ERBB4: variants seen among roughly 807,000 people sequenced by gnomAD.
The protein encoded by ERBB4 is receptor tyrosine-protein kinase erbB-4.
A neutral mutation model predicts 158.0 loss-of-function variants in ERBB4; 42 were observed. The observed-to-expected ratio is 0.27, with a 90% CI of 0.21 to 0.34. ERBB4 has a LOEUF of 0.34. Ranked by LOEUF, ERBB4 falls within the 10% of genes least tolerant of loss-of-function variation. ERBB4 has a pLI of 1.00. For synonymous variants in ERBB4, 583 were observed against 558.7 expected (o/e 1.04, Z -0.61); for missense variants, 1,333 against 1,624.1 (o/e 0.82, Z 3.08).
Position 212,129,138 on chromosome 2 carries a change from C to T in ERBB4, c.83-4235G>A, listed in dbSNP as rs563501937. On this transcript the variant is annotated intron_variant, in intron 1 of 27. Transcript: ENST00000342788. Reference sequence around the variant, plus strand: ...TAAGCATCCATTAATAAATTTGCTGCACCATTTCTAAAGTATATCCAATAA... The same window carrying T: ...TAAGCATCCATTAATAAATTTGCTGTACCATTTCTAAAGTATATCCAATAA... Among the ~76,000 whole-genome samples, 51 of 151,924 alleles carry T rather than the reference C, an allele frequency of 3.4e-4. No individual in the cohort carries two copies. The South Asian group carries it at 9.8e-3, about 29-fold the overall frequency.
At chr2:211,748,519 G>C (rs2075038166) in intron 5 of ERBB4, among the ~76,000 whole-genome samples, 1 of 152,066 alleles carries the variant, frequency 6.6e-6, no homozygotes, top group Non-Finnish European at 1.5e-5. Context: ...CAACAGAAGA[G>C]GGATCCACCC....
At chr2:212,246,347 T>C (rs576076977) in intron 1 of ERBB4, among the ~76,000 whole-genome samples, 5 of 152,330 alleles carry the variant, frequency 3.3e-5, no homozygotes, top group African/African-American at 9.6e-5. Context: ...TAAATGTGCA[T>C]GAGGTAAAAT....
chr2:211,749,777 T>C (rs554038238), intron 5 of ERBB4, among the ~76,000 whole-genome samples: 1 of 152,292 alleles, frequency 6.6e-6, no homozygotes, highest in Non-Finnish European at 1.5e-5. Flanking sequence ...GTAATATTTG[T>C]ATGTTTGAAT....
intron 2 of ERBB4, among the ~76,000 whole-genome samples, chr2:212,027,662 C>T (rs1266772009): frequency 1.3e-5 from 2 of 151,826 alleles, no homozygotes; most frequent in Non-Finnish European, 2.9e-5. Context: ...AAGCAGTTGG[C>T]CTGAAAACAG....
chr2:211,899,512 T>G (rs1482867920), intron 3 of ERBB4, among the ~76,000 whole-genome samples: 1 of 152,072 alleles, frequency 6.6e-6, no homozygotes, highest in African/African-American at 2.4e-5. Flanking sequence ...ACGAAACCAA[T>G]CACAAAGTAA....
intron 25 of ERBB4, among the ~76,000 whole-genome samples, chr2:211,413,321 C>A (rs374303566): frequency 0.21 from 17,682 of 83,572 alleles, 3,257 homozygotes; most frequent in Non-Finnish European, 0.28. Flanking sequence ...CACACACACA[C>A]ACACACACAC....
At chr2:211,846,052 GT>G (rs5838288) in intron 3 of ERBB4, among the ~76,000 whole-genome samples, 3,736 of 145,714 alleles carry the variant, frequency 0.026, 155 homozygotes, top group African/African-American at 0.087. Context: ...GTTAATTGTT[GT>G]TTTTTTTTTT....
chr2:212,102,646 C>A (rs959639098), intron 2 of ERBB4, among the ~76,000 whole-genome samples: 1 of 152,040 alleles, frequency 6.6e-6, no homozygotes, highest in African/African-American at 2.4e-5. Flanking sequence ...AGTTAAATAT[C>A]GTAAGTAATA....
intron 16 of ERBB4, among the ~76,000 whole-genome samples, chr2:211,656,085 G>A (rs921270715): frequency 1.3e-5 from 2 of 152,114 alleles, no homozygotes; most frequent in Non-Finnish European, 2.9e-5. Context: ...AATACAAACT[G>A]TATGACTAAA....
chr2:212,089,120 T>C (rs963483268), intron 2 of ERBB4, among the ~76,000 whole-genome samples: 6 of 152,300 alleles, frequency 3.9e-5, no homozygotes, highest in East Asian at 3.9e-4. Context: ...AAAAATACAT[T>C]AAAAGCTAAT....
At chr2:211,831,833 G>A (rs1335044872) in intron 3 of ERBB4, among the ~76,000 whole-genome samples, 2 of 151,992 alleles carry the variant, frequency 1.3e-5, no homozygotes, top group Non-Finnish European at 2.9e-5. Context: ...AACCTGGGAG[G>A]CAGAGGTTGC....
intron 1 of ERBB4, among the ~76,000 whole-genome samples, chr2:212,491,558 T>C (rs1690278348): frequency 6.6e-6 from 1 of 151,646 alleles, no homozygotes; most frequent in African/African-American, 2.4e-5. Flanking sequence ...GAAATAGGTC[T>C]ATCTTGGTAG....
intron 1 of ERBB4, among the ~76,000 whole-genome samples, chr2:212,502,246 T>G (rs112432681): frequency 0.014 from 2,119 of 152,214 alleles, 52 homozygotes; most frequent in African/African-American, 0.048. Context: ...AGTAAGCTAA[T>G]GTCAAATTAA....
At chr2:212,013,206 A>G (rs1268733542) in intron 2 of ERBB4, among the ~76,000 whole-genome samples, 1 of 151,716 alleles carries the variant, frequency 6.6e-6, no homozygotes, top group East Asian at 1.9e-4. Flanking sequence ...ACAGGCACTC[A>G]CCCCAACGCC....
At chr2:211,598,453 A>T (rs2068702426) in intron 19 of ERBB4, among the ~76,000 whole-genome samples, 1 of 152,134 alleles carries the variant, frequency 6.6e-6, no homozygotes. Context: ...CAATAAGAAC[A>T]TGGGAAAAGC....
Position 211,580,879 on chromosome 2 carries a change from A to AATATG in ERBB4, c.2302-18792_2302-18791insCATAT, listed in dbSNP as rs1177522902. On this transcript the variant is annotated intron_variant, in intron 19 of 27. Transcript: ENST00000342788. ...AGTATGCATATACATATATATATAT[A>AATATG]TATATATATATATATATATATATAT... is the stretch of plus-strand genomic sequence containing the variant. 4.5e-5 allele frequency among the ~76,000 whole-genome samples: 3 copies of AATATG among 67,136 alleles called. 1 individual carries two copies. The highest frequency in any genetic ancestry group is 7.3e-5 in the Non-Finnish European group (3 of 41,080). The allele number at this position is 67,136 out of a possible 152,430, so 44.0% of individuals were successfully genotyped here.
intron 20 of ERBB4, among the ~76,000 whole-genome samples, chr2:211,494,924 T>C (rs962323828): frequency 6.6e-6 from 1 of 152,136 alleles, no homozygotes; most frequent in African/African-American, 2.4e-5. Flanking sequence ...ATCTTCAAAA[T>C]AGGAGAAAAA....
chr2:211,548,397 A>G (rs1176262672), intron 20 of ERBB4, among the ~76,000 whole-genome samples: 1 of 152,122 alleles, frequency 6.6e-6, no homozygotes, highest in Non-Finnish European at 1.5e-5. Context: ...TTTCAAAGCA[A>G]AAGTAAGCTA....
chr2:211,780,766 C>T (rs1226795436), intron 4 of ERBB4, among the ~76,000 whole-genome samples: 1 of 151,250 alleles, frequency 6.6e-6, no homozygotes, highest in Non-Finnish European at 1.5e-5. Context: ...ATCTTAAGTT[C>T]TTTTGTTTTT....
Sources: allele counts gnomAD v4.1 joint callset (sites outside exome capture counted in the v4.1 genomes callset), GRCh38; gene constraint gnomAD v4.1.1; transcripts MANE v1.5; gene names NCBI Gene and HGNC (gene_info 2026-07-23, HGNC 2026-07-21).